PTPRJ: variants seen among roughly 807,000 people sequenced by gnomAD.
PTPRJ encodes the protein protein tyrosine phosphatase receptor type J.
In PTPRJ, 129 loss-of-function variants were observed where a neutral mutation model predicts 141.3. The ratio of observed to expected loss-of-function variants is 0.91; its 90% confidence interval spans 0.79 to 1.06. The LOEUF is 1.06. Among genes scored for constraint, PTPRJ ranks in the 50% least tolerant of loss-of-function variants. The pLI is 0.00. For synonymous variants in PTPRJ, 610 were observed against 640.5 expected (o/e 0.95, Z 0.72); for missense variants, 1,601 against 1,679.7 (o/e 0.95, Z 0.82).
Position 48,137,039 on chromosome 11 carries a change from A to G in PTPRJ, c.1910A>G (p.Asn637Ser). 1.2e-6 allele frequency: 2 copies of G among 1,606,318 alleles called. No homozygotes were observed. The highest frequency in any genetic ancestry group is 2.2e-5 in the South Asian group (2 of 90,928). Residue 637 changes from asparagine to serine, a missense_variant, in exon 10 of 25, where the codon AAC (asparagine) becomes AGC (serine). Physicochemically the swap from Asn to Ser is conservative, Grantham distance 46. Transcript: ENST00000418331. ...GTGTCCAACATTGATGTAAGTACCA[A>G]CACCACAGCAGCAACTTTAAGTTGG... ...SNVSNIDVSTNTTAATLSWQN... is the reference protein window; with the variant it reads ...SNVSNIDVSTSTTAATLSWQN...
At chr11:48,022,760 A>G (rs2134214101) in intron 1 of PTPRJ, among the ~76,000 whole-genome samples, 1 of 152,238 alleles carries the variant, frequency 6.6e-6, no homozygotes, top group East Asian at 1.9e-4. Flanking sequence ...GGTTCATTTC[A>G]TTTTTGGATT....
rs1263023493 is a variant in PTPRJ, at chr11:48,158,922, A to G, written c.3439-1008A>G. Among the ~76,000 whole-genome samples the G allele has an allele frequency of 6.6e-6, 1 of 152,200 alleles. No individual in the cohort carries two copies. The highest frequency in any genetic ancestry group is 2.4e-5 in the African/African-American group (1 of 41,454). On this transcript the variant is annotated intron_variant, in intron 21 of 24. Transcript: ENST00000418331. The surrounding 1 kb of genome is among the most constrained non-coding windows in gnomAD (Gnocchi z 4.4). The stretch of plus-strand genomic sequence containing the variant: ...AGCCGTGATCGTGCCATTGTACCCC[A>G]GCTTGTATGACAGAGTGAGACTGTC...
Position 48,167,578 on chromosome 11 carries a change from T to A in PTPRJ, c.*216T>A. On this transcript the variant is annotated 3_prime_UTR_variant, in exon 25 of 25. Transcript: ENST00000418331. ...GTGGGGAGCAAATCATCTGCATTCC[T>A]GATGACCAATGGGATGAGGTCACTT... The A allele has an allele frequency of 2.3e-6, 1 of 428,482 alleles. No individual in the cohort carries two copies. The highest frequency in any genetic ancestry group is 4.0e-6 in the Non-Finnish European group (1 of 249,356). The allele number at this position is 428,482 out of a possible 1,614,324, so 26.5% of individuals were successfully genotyped here.
In PTPRJ at chr11:47,980,812, G is replaced by A; in HGVS notation, c.-101G>A. On this transcript the variant is annotated 5_prime_UTR_variant, in exon 1 of 25. Coordinates refer to ENST00000418331, the MANE Select transcript of PTPRJ (RefSeq NM_002843.4). ...AGGCGGACCGGCTGGCGGAGGAGGA[G>A]GCGAAGGAGACGGCAGGAGGCGGCG... 1 of 1,046,566 alleles carries A rather than the reference G, an allele frequency of 9.6e-7. No individual in the cohort carries two copies. Among genetic ancestry groups the A allele is most frequent in the East Asian group, 8.2e-5 (1 of 12,138 alleles). 64.8% of individuals were successfully genotyped at this position (1,046,566 alleles called of 1,614,324 possible).
At chr11:47,988,017 G>A (rs547936956) in intron 1 of PTPRJ, among the ~76,000 whole-genome samples, 7 of 152,342 alleles carry the variant, frequency 4.6e-5, no homozygotes, top group South Asian at 2.1e-4. Context: ...AAACTTGGGC[G>A]GACAATGTCG....
chr11:48,131,422 A>G lies in PTPRJ; in HGVS notation c.1615+706A>G, dbSNP rs1856982709. Reference sequence around the variant, plus strand: ...TATTTCTTTCACAAACATTGAGGCCATCTGTACATGTGGTTTTGTAATCTG... The same window carrying G: ...TATTTCTTTCACAAACATTGAGGCCGTCTGTACATGTGGTTTTGTAATCTG... On this transcript the variant is annotated intron_variant, in intron 8 of 24. Transcript: ENST00000418331. 8.1e-6 allele frequency: 6 copies of G among 739,368 alleles called. No homozygotes were observed. In the Admixed American group the frequency reaches 1.1e-4, roughly 14 times the overall value. 45.8% of individuals were successfully genotyped at this position (739,368 alleles called of 1,614,324 possible).
intron 1 of PTPRJ, among the ~76,000 whole-genome samples, chr11:48,078,658 A>G (rs79876988): frequency 0.024 from 3,626 of 152,242 alleles, 150 homozygotes; most frequent in African/African-American, 0.083. Context: ...TCACAAAGCA[A>G]TGGCTTGCCA....
chr11:48,037,047 A>G (rs1854143357), intron 1 of PTPRJ, among the ~76,000 whole-genome samples: 1 of 152,238 alleles, frequency 6.6e-6, no homozygotes, highest in South Asian at 2.1e-4. Flanking sequence ...ATGTTAAACA[A>G]TATCACATTG....
At chr11:48,141,087 C>A (rs888397923) in intron 11 of PTPRJ, among the ~76,000 whole-genome samples, 7 of 151,848 alleles carry the variant, frequency 4.6e-5, no homozygotes, top group Non-Finnish European at 7.4e-5. Flanking sequence ...GCCTGTAATC[C>A]CAGCACTTTG....
intron 1 of PTPRJ, among the ~76,000 whole-genome samples, chr11:47,991,942 A>G (rs1285656904): frequency 2.6e-5 from 4 of 152,202 alleles, no homozygotes; most frequent in Non-Finnish European, 5.9e-5. Flanking sequence ...GTGCTGAGAC[A>G]CTGGCATAAT....
chr11:48,163,347 T>C, intron 22 of PTPRJ, 111 bp from the exon 23 acceptor site: 1 of 986,526 alleles, frequency 1.0e-6, no homozygotes, highest in Non-Finnish European at 1.5e-6. Context: ...GTTTAATTTT[T>C]AGTCATTACA....
intron 1 of PTPRJ, among the ~76,000 whole-genome samples, chr11:48,026,599 G>A (rs930476016): frequency 1.3e-5 from 2 of 151,730 alleles, no homozygotes; most frequent in African/African-American, 2.4e-5. Flanking sequence ...ACAGGCGCCC[G>A]CCACCATGCC....
chr11:48,124,841 G>C (rs1856797498), intron 5 of PTPRJ, 127 bp from the exon 6 acceptor site: 1 of 829,066 alleles, frequency 1.2e-6, no homozygotes, highest in Non-Finnish European at 2.0e-6. Flanking sequence ...GAAGGGAGCA[G>C]ATATTGATGG....
chr11:48,150,436 G>A (rs1178974290), intron 18 of PTPRJ, among the ~76,000 whole-genome samples: 1 of 152,218 alleles, frequency 6.6e-6, no homozygotes, highest in Non-Finnish European at 1.5e-5. Flanking sequence ...GCAAGGGGTT[G>A]TTGCGCTCCA....
chr11:48,012,501 C>T lies in PTPRJ; in HGVS notation c.96+31493C>T, dbSNP rs147691879. Among the ~76,000 whole-genome samples the T allele has an allele frequency of 3.0e-4, 45 of 152,174 alleles. No homozygotes were observed. In the East Asian group the frequency reaches 6.0e-3, roughly 20 times the overall value. On this transcript the variant is annotated intron_variant, in intron 1 of 24. Transcript: ENST00000418331. ...AGAGTCCAGGAACTCGTGATCTAGT[C>T]GGGGAGGAGAGGGGTACCTACTCTG...
At position 48,149,690 on chromosome 11, in the gene PTPRJ, T is replaced by C. The variant is rs1009684888; in HGVS notation, c.3041+202T>C. 6.9e-5 allele frequency: 37 copies of C among 537,018 alleles called. No individual in the cohort carries two copies. The Admixed American group carries it at 1.2e-3, about 18-fold the overall frequency. 33.3% of individuals were successfully genotyped at this position (537,018 alleles called of 1,614,324 possible). A position where few individuals can be genotyped will look rare whatever the true frequency, so the allele number is the denominator to read the frequency against. On this transcript the variant is annotated intron_variant, in intron 16 of 24. Coordinates refer to ENST00000418331, the MANE Select transcript of PTPRJ (RefSeq NM_002843.4). ...TCCTGAAGCTGGCTTCCTTGTCATGTTCTACTCTTCTACCAATAAATACGG... is the reference window on the plus strand; with the variant it reads ...TCCTGAAGCTGGCTTCCTTGTCATGCTCTACTCTTCTACCAATAAATACGG...
chr11:48,039,584 C>T (rs892470462), intron 1 of PTPRJ, among the ~76,000 whole-genome samples: 1 of 151,572 alleles, frequency 6.6e-6, no homozygotes, highest in Admixed American at 6.6e-5. Context: ...TGAATTGATC[C>T]TGAATCTTCC....
intron 1 of PTPRJ, among the ~76,000 whole-genome samples, chr11:48,060,932 G>T (rs1230952108): frequency 2.0e-5 from 3 of 152,198 alleles, no homozygotes; most frequent in African/African-American, 7.2e-5. Flanking sequence ...GCTGCTTGGG[G>T]ACCAGTCCTG....
intron 1 of PTPRJ, among the ~76,000 whole-genome samples, chr11:48,109,270 G>A (rs1032983881): frequency 7.7e-6 from 1 of 130,692 alleles, no homozygotes; most frequent in Non-Finnish European, 1.8e-5. Flanking sequence ...TTTATTCTTC[G>A]TGACGATCCT....
Sources: gnomAD v4.1 joint callset for allele counts (sites outside exome capture counted in the v4.1 genomes callset) on GRCh38, gnomAD v4.1.1 for gene constraint, Gnocchi (gnomAD v3.1) non-coding constraint, MANE v1.5 for transcripts, NCBI Gene and HGNC (gene_info 2026-07-23, HGNC 2026-07-21) for gene names.